DENND2C: variants seen among roughly 807,000 people sequenced by gnomAD.
The protein encoded by DENND2C is DENN domain-containing protein 2C.
In DENND2C, 72 loss-of-function variants were observed where a neutral mutation model predicts 112.4. The ratio of observed to expected loss-of-function variants is 0.64; its 90% CI spans 0.53 to 0.78. The LOEUF is 0.78. DENND2C is among the 30% of genes least tolerant of loss of function. The pLI is 0.00. For synonymous variants in DENND2C, 329 were observed against 381.6 expected, an observed-to-expected ratio of 0.86 and a Z score of 1.61; for missense variants, 992 against 1,113.8, an observed-to-expected ratio of 0.89 and a Z score of 1.56.
At chr1:114,629,292 T>C (rs1174973700) in intron 3 of DENND2C, among the ~76,000 whole-genome samples, 1 of 152,348 alleles carries the variant, frequency 6.6e-6, no homozygotes, top group East Asian at 1.9e-4. Flanking sequence ...TTTTTTCTTT[T>C]ATGAGATGAA....
rs1371085954 is a variant in DENND2C, at chr1:114,587,739, T to C, written c.2645A>G (p.Glu882Gly). 6.2e-7 allele frequency: 1 copy of C among 1,612,024 alleles called. No homozygotes were observed. Among genetic ancestry groups the C allele is most frequent in the Non-Finnish European group, 8.5e-7 (1 of 1,178,532 alleles). Reference sequence around the variant, plus strand: ...ACCTTTAACTCCACTTTTCCGAAGCTCTCGGTCCTGGATGAATCCTGCAAA... The same window carrying C: ...ACCTTTAACTCCACTTTTCCGAAGCCCTCGGTCCTGGATGAATCCTGCAAA... ...QMFAGFIQDR[E>G]LRKSGVKGLF... Residue 882 changes from glutamate to glycine, a missense_variant, in exon 19 of 21, where the codon GAG becomes GGG. Around this residue, in one of 3 missense-constraint regions of DENND2C, gnomAD observed 516 missense variants for 623.6 expected, o/e 0.83. Coordinates refer to ENST00000393274, the MANE Select transcript of DENND2C (RefSeq NM_001256404.2).
In DENND2C at chr1:114,650,635, C is replaced by T. The variant is rs1166207071; in HGVS notation, c.-317+3870G>A. Among the ~76,000 whole-genome samples, 3 of 132,072 alleles carry T rather than the reference C, an allele frequency of 2.3e-5. No homozygotes were observed. The East Asian group carries it at 6.7e-4, about 30-fold the overall frequency. 86.6% of individuals were successfully genotyped at this position (132,072 alleles called of 152,430 possible). A position where few individuals can be genotyped will look rare whatever the true frequency, so the allele number is the denominator to read the frequency against. Reference sequence around the variant, plus strand: ...CTTGCAGTGAGCTGAGATTGCGCCACTGCACTCCAGCCTGGGCGACAGAGC... The same window carrying T: ...CTTGCAGTGAGCTGAGATTGCGCCATTGCACTCCAGCCTGGGCGACAGAGC... On this transcript the variant is annotated intron_variant, in intron 2 of 20. Transcript: ENST00000393274.
chr1:114,645,009 G>A (rs1452087707), intron 3 of DENND2C, among the ~76,000 whole-genome samples: 4 of 152,144 alleles, frequency 2.6e-5, no homozygotes, highest in Non-Finnish European at 5.9e-5. Context: ...GTTTAAATTA[G>A]TAAAAATTAA....
In DENND2C at chr1:114,600,241, A is replaced by G; in HGVS notation, c.2068T>C (p.Leu690=). Residue 690 remains leucine (L), a synonymous_variant, in exon 15 of 21, where the codon TTG becomes CTG. Coordinates refer to ENST00000393274, the MANE Select transcript of DENND2C (RefSeq NM_001256404.2). ...GCAACAAAGATTACCCTACGCTCCA[A>G]AAGGAGAGAGGCACAGACCCGGATG... The part of the protein sequence containing the change: ...HLIRVCASLL[L]ERRVIFVANS... 1 of 1,614,126 alleles carries G rather than the reference A, an allele frequency of 6.2e-7. No individual in the cohort carries two copies. The highest frequency in any genetic ancestry group is 8.5e-7 in the Non-Finnish European group (1 of 1,180,002).
intron 8 of DENND2C, among the ~76,000 whole-genome samples, chr1:114,617,393 C>T (rs774750618): frequency 1.3e-5 from 2 of 152,176 alleles, no homozygotes; most frequent in Admixed American, 6.5e-5. Context: ...TCACTGCAAC[C>T]TCTGCCTCCT....
In DENND2C at chr1:114,601,624, G is replaced by A. The variant is rs565251684; in HGVS notation, c.1738-39C>T. 1.1e-4 allele frequency: 175 copies of A among 1,554,002 alleles called. 1 individual carries two copies. Among genetic ancestry groups the A allele is most frequent in the South Asian group, 8.2e-4 (72 of 87,630 alleles). On this transcript the variant is annotated intron_variant, in intron 12 of 20. Transcript: ENST00000393274. Reference sequence around the variant, plus strand: ...ACAACAACAACAAAAAAATCAAGCCGCATACATTTTTATTAATACTAATTT... The same window carrying A: ...ACAACAACAACAAAAAAATCAAGCCACATACATTTTTATTAATACTAATTT...
At chr1:114,602,957 C>T (rs1338114285) in intron 11 of DENND2C, among the ~76,000 whole-genome samples, 1 of 152,152 alleles carries the variant, frequency 6.6e-6, no homozygotes, top group African/African-American at 2.4e-5. Flanking sequence ...AAATTCTTCT[C>T]TTTAGTTCTG....
chr1:114,616,458 G>C (rs1257550160), intron 8 of DENND2C, among the ~76,000 whole-genome samples: 2 of 151,974 alleles, frequency 1.3e-5, no homozygotes, highest in Non-Finnish European at 2.9e-5. Flanking sequence ...ATTCTCCTCT[G>C]CTATGACTTA....
In DENND2C at chr1:114,622,986, C is replaced by A; in HGVS notation, c.1056+1G>T. On this transcript the variant is annotated splice_donor_variant, in intron 6 of 20. Coordinates refer to ENST00000393274, the MANE Select transcript of DENND2C (RefSeq NM_001256404.2). LOFTEE classifies it high-confidence loss of function. ...TTCTTCAATTCATTATCTGGTTATACCTTGGGTGCTTTAAAAGCACTTTTA... is the reference window on the plus strand; with the variant it reads ...TTCTTCAATTCATTATCTGGTTATAACTTGGGTGCTTTAAAAGCACTTTTA... 1 of 1,607,060 alleles carries A rather than the reference C, an allele frequency of 6.2e-7. No individual in the cohort carries two copies. The highest frequency in any genetic ancestry group is 8.5e-7 in the Non-Finnish European group (1 of 1,175,170).
chr1:114,636,105 G>C (rs1368634291), intron 3 of DENND2C, among the ~76,000 whole-genome samples: 1 of 151,136 alleles, frequency 6.6e-6, no homozygotes, highest in African/African-American at 2.4e-5. Context: ...AGAATGCAAG[G>C]TTGCTTTAAC....
chr1:114,600,412 C>T (rs1655468422), intron 14 of DENND2C, 60 bp from the exon 15 acceptor site: 13 of 1,592,740 alleles, frequency 8.2e-6, no homozygotes, highest in Admixed American at 3.4e-5. Flanking sequence ...CTAGTGCCAA[C>T]GCTATGGATC....
intron 11 of DENND2C, among the ~76,000 whole-genome samples, chr1:114,602,978 T>C (rs1570763281): frequency 6.6e-6 from 1 of 152,198 alleles, no homozygotes; most frequent in South Asian, 2.1e-4. Context: ...AGAGGCTGTA[T>C]AGAGCAGCAA....
chr1:114,640,841 A>C (rs1262675732), intron 3 of DENND2C, among the ~76,000 whole-genome samples: 1 of 152,216 alleles, frequency 6.6e-6, no homozygotes. Context: ...ATAATAAATA[A>C]CTGCTGTTAA....
chr1:114,623,516 C>A lies in DENND2C; in HGVS notation c.934G>T (p.Asp312Tyr). The A allele has an allele frequency of 6.2e-7, 1 of 1,602,948 alleles. No individual in the cohort carries two copies. Among genetic ancestry groups the A allele is most frequent in the African/African-American group, 1.3e-5 (1 of 74,538 alleles). Residue 312 changes from aspartate to tyrosine, a missense_variant, in exon 5 of 21, where the codon GAT (aspartate) becomes TAT (tyrosine). Coordinates refer to ENST00000393274, the MANE Select transcript of DENND2C (RefSeq NM_001256404.2). ...AGTTGTCAACACCTACATATGATAT[C>A]TTCATAGATATTGTCCTCAGACTGT... The part of the protein sequence containing the change: ...YTQSEDNIYE[D>Y]IIYPTKENPY...
chr1:114,647,283 G>T (rs776351761), intron 2 of DENND2C, among the ~76,000 whole-genome samples: 4 of 151,560 alleles, frequency 2.6e-5, no homozygotes, highest in Non-Finnish European at 5.9e-5. Context: ...CTCAGAAGAA[G>T]GAAGAATTAT....
chr1:114,662,396 T>C (rs550443024), intron 1 of DENND2C, among the ~76,000 whole-genome samples: 1 of 151,958 alleles, frequency 6.6e-6, no homozygotes, highest in Middle Eastern at 3.2e-3. Context: ...AATTTTAACA[T>C]CCAAACAAAA....
At chr1:114,593,670 A>C (rs1335549889) in intron 18 of DENND2C, among the ~76,000 whole-genome samples, 2 of 152,052 alleles carry the variant, frequency 1.3e-5, no homozygotes, top group African/African-American at 2.4e-5. Flanking sequence ...CTGTAGTCCC[A>C]GTTGAGGCAG....
chr1:114,651,389 C>T (rs540333482), intron 2 of DENND2C, among the ~76,000 whole-genome samples: 17 of 150,820 alleles, frequency 1.1e-4, no homozygotes, highest in African/African-American at 4.1e-4. Flanking sequence ...GAGCTGGAGG[C>T]TACAGTGAGC....
intron 16 of DENND2C, among the ~76,000 whole-genome samples, 177 bp downstream of exon 16, chr1:114,599,097 A>C (rs1655422847): frequency 6.6e-6 from 1 of 152,166 alleles, no homozygotes; most frequent in African/African-American, 2.4e-5. Flanking sequence ...TGTACTATCG[A>C]ATTTTCCCAT....
Sources: allele counts gnomAD v4.1 joint callset (sites outside exome capture counted in the v4.1 genomes callset), GRCh38; gene constraint gnomAD v4.1.1; regional missense constraint gnomAD v4.1.1; transcripts MANE v1.5; gene names NCBI Gene and HGNC (gene_info 2026-07-23, HGNC 2026-07-21).